NUP93: variants seen among roughly 807,000 people sequenced by gnomAD.
NUP93 encodes nuclear pore complex protein Nup93.
A neutral mutation model predicts 107.8 loss-of-function variants in NUP93; 55 were observed. The ratio of observed to expected loss-of-function variants is 0.51; its 90% CI spans 0.41 to 0.64. The LOEUF (loss-of-function observed/expected upper bound fraction) is 0.64, where lower values mean the gene tolerates loss of function less well. Ranked by LOEUF, NUP93 falls within the 30% of genes least tolerant of loss-of-function variation. The pLI is 0.00. For missense variants in NUP93, 937 were observed against 1,044.7 expected (o/e 0.90, Z 1.42); for synonymous variants, 390 against 397.5 (o/e 0.98, Z 0.22).
intron 5 of NUP93, among the ~76,000 whole-genome samples, chr16:56,813,707 T>C (rs1963362282): frequency 6.6e-6 from 1 of 152,246 alleles, no homozygotes. Context: ...GTATATCTTA[T>C]CGATTTATTA....
intron 3 of NUP93, among the ~76,000 whole-genome samples, chr16:56,797,945 C>T (rs1321055691): frequency 6.6e-6 from 1 of 152,142 alleles, no homozygotes; most frequent in Non-Finnish European, 1.5e-5. Context: ...CATCATCAGA[C>T]CTGAAACAGA....
chr16:56,778,668 G>A (rs1962459846), intron 3 of NUP93, among the ~76,000 whole-genome samples: 3 of 152,204 alleles, frequency 2.0e-5, no homozygotes, highest in Admixed American at 1.3e-4. Flanking sequence ...GAGGTTTGGG[G>A]CAAGGAGAAG....
rs376429195 is a variant in NUP93 at position 56,756,439 on chromosome 16, C to T, written c.180-2099C>T. The stretch of plus-strand genomic sequence containing the variant: ...TTAGTTTGCTGAGAATGATAGCTTC[C>T]AGCTTCATCCAGCTCCCTGCAAAGG... On this transcript the variant is annotated intron_variant, in intron 2 of 21. Coordinates refer to ENST00000308159, the MANE Select transcript of NUP93 (RefSeq NM_014669.5). Among the ~76,000 whole-genome samples, 23 of 151,910 alleles carry T rather than the reference C, an allele frequency of 1.5e-4. No individual in the cohort carries two copies. In the South Asian group the frequency reaches 3.3e-3, roughly 22 times the overall value.
At chr16:56,791,940 T>C in intron 3 of NUP93, among the ~76,000 whole-genome samples, 1 of 152,240 alleles carries the variant, frequency 6.6e-6, no homozygotes, top group Non-Finnish European at 1.5e-5. Flanking sequence ...CATACACACA[T>C]ACAATTACAT....
At chr16:56,792,415 G>T (rs1214442212) in intron 3 of NUP93, among the ~76,000 whole-genome samples, 1 of 152,226 alleles carries the variant, frequency 6.6e-6, no homozygotes, top group African/African-American at 2.4e-5. Context: ...GAGCGTGGAA[G>T]AGGGAAAACA....
chr16:56,836,151 C>G (rs1011470442), intron 16 of NUP93, among the ~76,000 whole-genome samples: 6 of 146,796 alleles, frequency 4.1e-5, no homozygotes, highest in Admixed American at 2.7e-4. Context: ...AAAGAAATGT[C>G]CTGTTACCAC....
At chr16:56,778,889 A>C (rs1307658177) in intron 3 of NUP93, among the ~76,000 whole-genome samples, 1 of 152,188 alleles carries the variant, frequency 6.6e-6, no homozygotes, top group African/African-American at 2.4e-5. Context: ...GGCAGTAGAA[A>C]TGAATGTGTA....
At chr16:56,761,827 A>T (rs905050312) in intron 3 of NUP93, among the ~76,000 whole-genome samples, 5 of 152,230 alleles carry the variant, frequency 3.3e-5, no homozygotes, top group Admixed American at 3.3e-4. Context: ...CTTGAAATTA[A>T]TATGGGTTTT....
At chr16:56,779,209 T>C (rs1402558436) in intron 3 of NUP93, among the ~76,000 whole-genome samples, 1 of 152,178 alleles carries the variant, frequency 6.6e-6, no homozygotes, top group Non-Finnish European at 1.5e-5. Context: ...CTATATATGG[T>C]CACTGTACTG....
chr16:56,776,998 T>G (rs1567384320), intron 3 of NUP93, among the ~76,000 whole-genome samples: 2 of 152,158 alleles, frequency 1.3e-5, no homozygotes, highest in Non-Finnish European at 2.9e-5. Flanking sequence ...CAAGGCTTAA[T>G]AGATGCTGAG....
intron 5 of NUP93, among the ~76,000 whole-genome samples, chr16:56,817,764 A>G (rs963223703): frequency 2.0e-5 from 3 of 152,188 alleles, no homozygotes; most frequent in Non-Finnish European, 4.4e-5. Context: ...ATATTTAAAT[A>G]TATACATACT....
chr16:56,836,683 T>C lies in NUP93; in HGVS notation c.1865T>C (p.Phe622Ser), dbSNP rs1236347123. The stretch of plus-strand genomic sequence containing the variant: ...TCTGTGGCAGAAAATAAAGGACTGT[T>C]TGAAGAGGCAGCAAAGCTGTATGAC... ...VASVAENKGL[F>S]EEAAKLYDLA... Residue 622 changes from phenylalanine (F) to serine (S), a missense_variant, in exon 17 of 22, where the codon TTT becomes TCT. Phe to Ser is a radical substitution (Grantham distance 155). Transcript: ENST00000308159. 4 of 1,614,072 alleles carry C rather than the reference T, an allele frequency of 2.5e-6. No homozygotes were observed. Among genetic ancestry groups the C allele is most frequent in the Non-Finnish European group, 3.4e-6 (4 of 1,179,914 alleles).
At chr16:56,826,716 C>G (rs192741371) in intron 8 of NUP93, among the ~76,000 whole-genome samples, 1 of 151,860 alleles carries the variant, frequency 6.6e-6, no homozygotes, top group Non-Finnish European at 1.5e-5. Context: ...TTTTTCCCCC[C>G]GTTCTTGACG....
At chr16:56,730,700 C>G (rs569219430) in intron 1 of NUP93, among the ~76,000 whole-genome samples, 2 of 152,174 alleles carry the variant, frequency 1.3e-5, no homozygotes, top group African/African-American at 4.8e-5. Flanking sequence ...CTTGGCTTAC[C>G]TTTTGTACAT....
chr16:56,810,743 A>G lies in NUP93; in HGVS notation c.489+5111A>G, dbSNP rs565915842. Among the ~76,000 whole-genome samples the G allele has an allele frequency of 3.3e-5, 3 of 92,216 alleles. No individual in the cohort carries two copies. The South Asian group carries it at 9.3e-4, about 29-fold the overall frequency. 60.5% of individuals were successfully genotyped at this position (92,216 alleles called of 152,430 possible). A position where few individuals can be genotyped will look rare whatever the true frequency, so the allele number is the denominator to read the frequency against. On this transcript the variant is annotated intron_variant, in intron 5 of 21. Coordinates refer to ENST00000308159, the MANE Select transcript of NUP93 (RefSeq NM_014669.5). The stretch of plus-strand genomic sequence containing the variant: ...ACAGAACATTACCAGCGCCCCAGAA[A>G]TCCTCTTTGTGGTCCTTTCTGGTCA...
chr16:56,835,739 C>T (rs1444983755), intron 16 of NUP93, among the ~76,000 whole-genome samples: 1 of 152,230 alleles, frequency 6.6e-6, no homozygotes, highest in African/African-American at 2.4e-5. Context: ...ATGTTATGCA[C>T]TTGCCTTCAT....
In NUP93 at chr16:56,849,914, G is replaced by A. The variant is rs1004501528; in HGVS notation, c.*5305G>A. 5 of 152,206 alleles carry A rather than the reference G, an allele frequency of 3.3e-5. No individual in the cohort carries two copies. The allele number at this position is 152,206 out of a possible 1,614,324, so 9.4% of individuals were successfully genotyped here. Reference sequence around the variant, plus strand: ...TAGGCAGGCAGCTGAGCGGGATAATGTGGGCCCCAGTTGACCTCAGTGGCT... The same window carrying A: ...TAGGCAGGCAGCTGAGCGGGATAATATGGGCCCCAGTTGACCTCAGTGGCT... On this transcript the variant is annotated 3_prime_UTR_variant, in exon 22 of 22. Coordinates refer to ENST00000308159, the MANE Select transcript of NUP93 (RefSeq NM_014669.5).
At chr16:56,752,703 T>G (rs1243696280) in intron 2 of NUP93, among the ~76,000 whole-genome samples, 2 of 152,176 alleles carry the variant, frequency 1.3e-5, no homozygotes, top group Non-Finnish European at 2.9e-5. Flanking sequence ...CAAAACAATC[T>G]TTAAAAAGCA....
At chr16:56,812,375 G>A (rs552363288) in intron 5 of NUP93, among the ~76,000 whole-genome samples, 2 of 151,662 alleles carry the variant, frequency 1.3e-5, no homozygotes, top group South Asian at 2.1e-4. Context: ...ACAGAGTCTC[G>A]CTCTATTGCC....
Sources: allele counts gnomAD v4.1 joint callset (sites outside exome capture counted in the v4.1 genomes callset), GRCh38; gene constraint gnomAD v4.1.1; transcripts MANE v1.5; gene names NCBI Gene and HGNC (gene_info 2026-07-23, HGNC 2026-07-21).